CDH18: variants seen among roughly 807,000 people sequenced by gnomAD.
The protein encoded by CDH18 is cadherin 18, also known as cadherin-18.
A neutral mutation model predicts 67.9 loss-of-function variants in CDH18; 31 were observed. That is an observed-to-expected ratio of 0.46 (90% CI 0.34 to 0.62). CDH18 has a LOEUF of 0.62. Among genes scored for constraint, CDH18 ranks in the 20% least tolerant of loss-of-function variants. The pLI is 0.01. For missense variants in CDH18, 890 were observed against 975.5 expected (o/e 0.91, Z 1.17); for synonymous variants, 362 against 347.2 (o/e 1.04, Z -0.48).
At chr5:19,477,745 G>A (rs537687356) in intron 12 of CDH18, among the ~76,000 whole-genome samples, 1 of 152,002 alleles carries the variant, frequency 6.6e-6, no homozygotes, top group African/African-American at 2.4e-5. Context: ...ACATTGGCAA[G>A]GTACCTCTTC....
intron 5 of CDH18, among the ~76,000 whole-genome samples, chr5:19,638,998 T>G (rs1753630583): frequency 8.5e-6 from 1 of 118,246 alleles, no homozygotes; most frequent in Non-Finnish European, 1.9e-5. Flanking sequence ...TTTTTTTTTT[T>G]TTTTTTGTTT....
chr5:20,209,641 T>C (rs1418499644), intron 2 of CDH18, among the ~76,000 whole-genome samples: 1 of 151,976 alleles, frequency 6.6e-6, no homozygotes, highest in Middle Eastern at 3.2e-3. Flanking sequence ...TGAGTACAAA[T>C]ATATAATTAG....
chr5:20,317,726 TA>T (rs1190877371), intron 1 of CDH18, among the ~76,000 whole-genome samples: 1 of 152,162 alleles, frequency 6.6e-6, no homozygotes. Flanking sequence ...TTAGTTACTA[TA>T]AAATATGAGA....
At chr5:20,162,619 A>C (rs1735978684) in intron 2 of CDH18, among the ~76,000 whole-genome samples, 1 of 150,930 alleles carries the variant, frequency 6.6e-6, no homozygotes, top group African/African-American at 2.4e-5. Flanking sequence ...GCTAAAGGGA[A>C]GCATTCCTAC....
At chr5:19,917,960 G>C (rs1792012024) in intron 2 of CDH18, among the ~76,000 whole-genome samples, 1 of 152,190 alleles carries the variant, frequency 6.6e-6, no homozygotes, top group African/African-American at 2.4e-5. Flanking sequence ...AGCTGAAGCA[G>C]AGACGTGAGA....
At chr5:20,519,133 T>C (rs1213984214) in intron 1 of CDH18, among the ~76,000 whole-genome samples, 1 of 152,176 alleles carries the variant, frequency 6.6e-6, no homozygotes, top group Admixed American at 6.6e-5. Context: ...TGTTGTGATT[T>C]TCACCATATT....
chr5:19,703,460 G>A (rs1177779159), intron 5 of CDH18, among the ~76,000 whole-genome samples: 1 of 152,162 alleles, frequency 6.6e-6, no homozygotes, highest in African/African-American at 2.4e-5. Context: ...TTGTTTGCCA[G>A]CTAAAGCTAA....
chr5:19,502,933 T>TA (rs1447285060), intron 11 of CDH18, 59 bp downstream of exon 11: 2 of 963,956 alleles, frequency 2.1e-6, no homozygotes, highest in South Asian at 1.3e-5. Context: ...TAAAGCCTAT[T>TA]ACATATAAGG....
Position 19,593,709 on chromosome 5 carries a change from T to TCC in CDH18, c.812-2466_812-2465insGG, listed in dbSNP as rs70950076. Among the ~76,000 whole-genome samples, 87 of 111,152 alleles carry TCC rather than the reference T, an allele frequency of 7.8e-4. 2 individuals carry two copies. Among genetic ancestry groups the TCC allele is most frequent in the African/African-American group, 2.9e-3 (63 of 21,968 alleles). 72.9% of individuals were successfully genotyped at this position (111,152 alleles called of 152,430 possible). ...CTTCTCTTCCTCTTCCTCCTCCTCC[T>TCC]TCTTCTTCTTCTTCTTCTTCTTCTT... On this transcript the variant is annotated intron_variant, in intron 6 of 12. Coordinates refer to ENST00000382275, the MANE Select transcript of CDH18 (RefSeq NM_004934.5).
At chr5:19,662,600 C>G (rs1376851810) in intron 5 of CDH18, among the ~76,000 whole-genome samples, 1 of 151,994 alleles carries the variant, frequency 6.6e-6, no homozygotes, top group African/African-American at 2.4e-5. Flanking sequence ...TTTTTTCTAA[C>G]TATCTAGTCT....
At chr5:19,810,980 G>A (rs1475433524) in intron 3 of CDH18, among the ~76,000 whole-genome samples, 1 of 151,194 alleles carries the variant, frequency 6.6e-6, no homozygotes, top group Non-Finnish European at 1.5e-5. Flanking sequence ...CTGAGATCCT[G>A]ACACTGCACT....
intron 1 of CDH18, among the ~76,000 whole-genome samples, chr5:20,552,573 T>C (rs1757688814): frequency 6.6e-6 from 1 of 152,150 alleles, no homozygotes; most frequent in African/African-American, 2.4e-5. Flanking sequence ...AAATAAATTA[T>C]TGATCATCTC....
intron 2 of CDH18, among the ~76,000 whole-genome samples, chr5:20,172,165 A>C (rs1439972585): frequency 1.4e-5 from 1 of 70,930 alleles, no homozygotes; most frequent in Non-Finnish European, 2.9e-5. Context: ...GAATTATGAG[A>C]ACTTTGATAT....
intron 1 of CDH18, among the ~76,000 whole-genome samples, chr5:20,542,103 G>A (rs150795288): frequency 0.011 from 1,744 of 152,070 alleles, 22 homozygotes; most frequent in African/African-American, 0.04. Flanking sequence ...GCACCACCAC[G>A]CCTAGCTAAT....
chr5:20,483,249 T>A (rs1440742851), intron 1 of CDH18, among the ~76,000 whole-genome samples: 1 of 151,880 alleles, frequency 6.6e-6, no homozygotes, highest in African/African-American at 2.4e-5. Context: ...CTACAAAACA[T>A]TGATGCCAGA....
chr5:19,652,038 T>C (rs970020076), intron 5 of CDH18, among the ~76,000 whole-genome samples: 1 of 149,840 alleles, frequency 6.7e-6, no homozygotes, highest in African/African-American at 2.4e-5. Flanking sequence ...CTATTCATGT[T>C]ACTACTAACA....
chr5:19,632,808 T>C lies in CDH18; in HGVS notation c.644-20207A>G, dbSNP rs947707892. On this transcript the variant is annotated intron_variant, in intron 5 of 12. Coordinates refer to ENST00000382275, the MANE Select transcript of CDH18 (RefSeq NM_004934.5). ...ATCTTTCCTCTTTAACTGGGCACTG[T>C]GGTTCAGGTGAAGAAACTGGTTTTA... 6.3e-4 allele frequency among the ~76,000 whole-genome samples: 96 copies of C among 152,344 alleles called. 2 individuals carry two copies. Among genetic ancestry groups the C allele is most frequent in the Admixed American group, 3.3e-3 (51 of 15,302 alleles).
intron 2 of CDH18, among the ~76,000 whole-genome samples, chr5:20,192,266 G>A (rs1262249196): frequency 1.3e-5 from 2 of 151,140 alleles, no homozygotes; most frequent in East Asian, 3.9e-4. Context: ...TTTGTCATAT[G>A]GGTAGATTGC....
At chr5:19,683,852 C>G (rs1292616162) in intron 5 of CDH18, among the ~76,000 whole-genome samples, 1 of 151,812 alleles carries the variant, frequency 6.6e-6, no homozygotes, top group Admixed American at 6.6e-5. Flanking sequence ...TCACACGTGT[C>G]CCCTGTTTCA....
Sources: gnomAD v4.1 joint callset for allele counts (sites outside exome capture counted in the v4.1 genomes callset) on GRCh38, gnomAD v4.1.1 for gene constraint, MANE v1.5 for transcripts, NCBI Gene and HGNC (gene_info 2026-07-23, HGNC 2026-07-21) for gene names.